Variants in HHAT observed in about 807,000 individuals in gnomAD.
The protein encoded by HHAT is hedgehog acyltransferase, also known as protein-cysteine N-palmitoyltransferase HHAT.
A neutral mutation model predicts 70.8 loss-of-function variants in HHAT; 47 were observed. The observed-to-expected ratio is 0.66, with a 90% CI of 0.53 to 0.85. The LOEUF (loss-of-function observed/expected upper bound fraction) is 0.85, where lower values mean the gene tolerates loss of function less well. HHAT is among the 40% of genes least tolerant of loss of function. The probability of loss-of-function intolerance (pLI) is 0.00; values close to 1 mark genes in which losing one functional copy is unlikely to be tolerated. For missense variants in HHAT, 609 were observed against 604.8 expected, an observed-to-expected ratio of 1.01 and a Z score of -0.07; for synonymous variants, 228 against 247.6, an observed-to-expected ratio of 0.92 and a Z score of 0.74.
chr1:210,399,302 G>C (rs2091951072), intron 4 of HHAT, among the ~76,000 whole-genome samples: 1 of 152,128 alleles, frequency 6.6e-6, no homozygotes, highest in African/African-American at 2.4e-5. Context: ...TGTTGCCCAG[G>C]CTGGAGTGCA....
intron 7 of HHAT, among the ~76,000 whole-genome samples, chr1:210,457,636 T>C (rs2148416823): frequency 6.6e-6 from 1 of 152,246 alleles, no homozygotes; most frequent in Admixed American, 6.5e-5. Context: ...CCCACAGAGC[T>C]AAGGGGCACC....
intron 8 of HHAT, among the ~76,000 whole-genome samples, chr1:210,499,797 T>C (rs988232540): frequency 1.3e-5 from 2 of 152,212 alleles, no homozygotes; most frequent in African/African-American, 4.8e-5. Flanking sequence ...GGAGAGCTTG[T>C]TGTTTTAAAA....
chr1:210,337,131 T>G (rs1217918705), intron 1 of HHAT, among the ~76,000 whole-genome samples: 2 of 152,174 alleles, frequency 1.3e-5, no homozygotes, highest in Non-Finnish European at 2.9e-5. Flanking sequence ...GATATCAGTG[T>G]GGGGGGAAAT....
chr1:210,587,155 G>A (rs1660639292), intron 9 of HHAT, among the ~76,000 whole-genome samples: 1 of 152,194 alleles, frequency 6.6e-6, no homozygotes, highest in Non-Finnish European at 1.5e-5. Flanking sequence ...CACACTTGCT[G>A]TATTAGTCCA....
intron 9 of HHAT, among the ~76,000 whole-genome samples, chr1:210,540,473 ACACACATG>A (rs2095417732): frequency 9.8e-6 from 1 of 102,094 alleles, no homozygotes; most frequent in Non-Finnish European, 2.7e-5. Context: ...ACACACACGC[ACACACATG>A]CACACACACG....
intron 7 of HHAT, among the ~76,000 whole-genome samples, chr1:210,425,224 G>A (rs2093026712): frequency 6.6e-6 from 1 of 151,948 alleles, no homozygotes; most frequent in African/African-American, 2.4e-5. Flanking sequence ...GTACATTTAA[G>A]TTCTTTGAGA....
At chr1:210,609,305 C>T (rs1218238363) in intron 10 of HHAT, among the ~76,000 whole-genome samples, 1 of 151,990 alleles carries the variant, frequency 6.6e-6, no homozygotes, top group Non-Finnish European at 1.5e-5. Context: ...TATATATCTT[C>T]TTATTTATTT....
At chr1:210,341,974 C>G (rs1451834350) in intron 1 of HHAT, among the ~76,000 whole-genome samples, 1 of 152,022 alleles carries the variant, frequency 6.6e-6, no homozygotes, top group African/African-American at 2.4e-5. Context: ...TCCTCACTTG[C>G]CTCAAAATTC....
intron 3 of HHAT, among the ~76,000 whole-genome samples, chr1:210,383,848 G>C (rs2090843661): frequency 6.6e-6 from 1 of 152,294 alleles, no homozygotes; most frequent in African/African-American, 2.4e-5. Flanking sequence ...ACACATACTC[G>C]AGTGTTCATC....
chr1:210,374,151 G>T (rs900381941), intron 3 of HHAT: 1 of 152,122 alleles, frequency 6.6e-6, no homozygotes, highest in African/African-American at 2.4e-5. Context: ...TATAAAACAT[G>T]ATCTGCCTCC....
At chr1:210,487,172 GCT>G (rs1459122927) in intron 8 of HHAT, among the ~76,000 whole-genome samples, 1 of 152,166 alleles carries the variant, frequency 6.6e-6, no homozygotes, top group Non-Finnish European at 1.5e-5. Flanking sequence ...CTTAGGATTA[GCT>G]CAGACAGCAG....
chr1:210,656,257 C>T (rs1676396890), intron 11 of HHAT, among the ~76,000 whole-genome samples: 1 of 152,150 alleles, frequency 6.6e-6, no homozygotes, highest in African/African-American at 2.4e-5. Context: ...TCTAGACCTC[C>T]CATAGAAGAG....
In HHAT at chr1:210,521,804, T is replaced by A. The variant is rs571126655; in HGVS notation, c.1043+8616T>A. ...TGTCCCCTTAGGACCGTTTAGACCT[T>A]TTTGGGCTCTGAGCTGCACTGGAAA... On this transcript the variant is annotated intron_variant, in intron 9 of 11. Coordinates refer to ENST00000261458, the MANE Select transcript of HHAT (RefSeq NM_018194.6). 3.0e-3 allele frequency among the ~76,000 whole-genome samples: 457 copies of A among 152,286 alleles called. 2 individuals carry two copies. Among genetic ancestry groups the A allele is most frequent in the African/African-American group, 0.011 (442 of 41,560 alleles).
intron 10 of HHAT, chr1:210,589,380 T>C (rs565683810): frequency 7.9e-5 from 12 of 152,328 alleles, no homozygotes; most frequent in African/African-American, 2.9e-4. Context: ...AGGAAAGAAA[T>C]GCCAGTGGAT....
intron 9 of HHAT, among the ~76,000 whole-genome samples, chr1:210,513,881 T>C (rs1283581940): frequency 6.6e-6 from 1 of 152,144 alleles, no homozygotes; most frequent in Non-Finnish European, 1.5e-5. Flanking sequence ...GAAGCAGAAA[T>C]GGTTGCCGAA....
At chr1:210,553,809 CA>C (rs1178469721) in intron 9 of HHAT, among the ~76,000 whole-genome samples, 1 of 152,186 alleles carries the variant, frequency 6.6e-6, no homozygotes, top group Admixed American at 6.5e-5. Context: ...TCCCTCTTCC[CA>C]CCTCTTCCTC....
rs1192626068 is a variant in HHAT, at chr1:210,577,637, A to ATTTT, written c.1044-10237_1044-10234dup. On this transcript the variant is annotated intron_variant, in intron 9 of 11. Transcript: ENST00000261458. ...TGCATTAGGGATATTGGCCTGTAGGATTTTTTTTTTTTTTTTTTTTTTTTT... is the reference window on the plus strand; with the variant it reads ...TGCATTAGGGATATTGGCCTGTAGGATTTTTTTTTTTTTTTTTTTTTTTTTTTTT... 4.6e-4 allele frequency among the ~76,000 whole-genome samples: 28 copies of ATTTT among 60,252 alleles called. 6 individuals carry two copies. Among genetic ancestry groups the ATTTT allele is most frequent in the East Asian group, 2.1e-3 (5 of 2,366 alleles). 39.5% of individuals were successfully genotyped at this position (60,252 alleles called of 152,430 possible). A position where few individuals can be genotyped will look rare whatever the true frequency, so the allele number is the denominator to read the frequency against.
intron 8 of HHAT, among the ~76,000 whole-genome samples, chr1:210,510,874 T>C (rs1048100532): frequency 6.6e-6 from 1 of 152,252 alleles, no homozygotes; most frequent in African/African-American, 2.4e-5. Flanking sequence ...CTGTGATTTC[T>C]TCCATGTCTG....
intron 10 of HHAT, among the ~76,000 whole-genome samples, chr1:210,596,628 G>A (rs926805174): frequency 1.3e-5 from 2 of 152,062 alleles, no homozygotes; most frequent in East Asian, 1.9e-4. Context: ...CAGTATGTCA[G>A]TTGCATTTTT....
Sources: allele counts gnomAD v4.1 joint callset (sites outside exome capture counted in the v4.1 genomes callset), GRCh38; gene constraint gnomAD v4.1.1; transcripts MANE v1.5; gene names NCBI Gene and HGNC (gene_info 2026-07-23, HGNC 2026-07-21).